Variants in OSBPL1A observed in about 807,000 individuals in gnomAD.
The protein encoded by OSBPL1A is oxysterol-binding protein-related protein 1.
OSBPL1A carries 80 observed loss-of-function variants against 137.1 expected under a neutral mutation model. The ratio of observed to expected loss-of-function variants is 0.58; its 90% CI spans 0.49 to 0.70. The LOEUF (loss-of-function observed/expected upper bound fraction) is 0.70, where lower values mean the gene tolerates loss of function less well. OSBPL1A is among the 30% of genes least tolerant of loss of function. The pLI is 0.00. For missense variants in OSBPL1A, 970 were observed against 1,129.4 expected (o/e 0.86, Z 2.02); for synonymous variants, 365 against 389.7 (o/e 0.94, Z 0.75).
intron 7 of OSBPL1A, among the ~76,000 whole-genome samples, chr18:24,319,597 C>G (rs188732343): frequency 7.5e-4 from 114 of 152,180 alleles, no homozygotes; most frequent in Non-Finnish European, 1.2e-3. Flanking sequence ...TTTTGCCCAA[C>G]AACAACAAAA....
At chr18:24,362,806 A>G (rs1230943988) in intron 4 of OSBPL1A, among the ~76,000 whole-genome samples, 1 of 152,256 alleles carries the variant, frequency 6.6e-6, no homozygotes, top group Admixed American at 6.5e-5. Context: ...AAAGCTGGAC[A>G]AAATTGTCAA....
chr18:24,204,745 T>G (rs1358072011), intron 17 of OSBPL1A, among the ~76,000 whole-genome samples: 1 of 152,166 alleles, frequency 6.6e-6, no homozygotes, highest in Non-Finnish European at 1.5e-5. Context: ...AAACAGGGTC[T>G]GTGCAGTGGC....
At chr18:24,362,706 A>G (rs1385196243) in intron 4 of OSBPL1A, among the ~76,000 whole-genome samples, 2 of 152,246 alleles carry the variant, frequency 1.3e-5, no homozygotes, top group African/African-American at 2.4e-5. Flanking sequence ...TTTGCATATC[A>G]TTTAAATAAT....
At chr18:24,232,562 A>T (rs2088314940) in intron 16 of OSBPL1A, among the ~76,000 whole-genome samples, 1 of 152,190 alleles carries the variant, frequency 6.6e-6, no homozygotes, top group African/African-American at 2.4e-5. Flanking sequence ...GGCTACTGGA[A>T]ATCTTACGTG....
intron 17 of OSBPL1A, among the ~76,000 whole-genome samples, chr18:24,199,078 C>T (rs886829768): frequency 6.6e-6 from 1 of 151,948 alleles, no homozygotes; most frequent in Non-Finnish European, 1.5e-5. Flanking sequence ...AGGCTGGTCT[C>T]GAACTCCTTA....
chr18:24,256,964 CAAAAAAAAA>C (rs201880387), intron 15 of OSBPL1A, among the ~76,000 whole-genome samples: 72 of 29,512 alleles, frequency 2.4e-3, no homozygotes, highest in African/African-American at 6.2e-3. Context: ...GAAGAGGATG[CAAAAAAAAA>C]AAAAAAAAAA....
chr18:24,170,582 G>A (rs1599426681), intron 23 of OSBPL1A, 129 bp from the exon 24 acceptor site: 2 of 966,320 alleles, frequency 2.1e-6, no homozygotes, highest in Non-Finnish European at 3.2e-6. Context: ...GCTTCCAAGA[G>A]CAGATGAGAT....
In OSBPL1A at chr18:24,368,290, C is replaced by T. The variant is rs369405342; in HGVS notation, c.204G>A (p.Leu68=). ...AAAATTAAAGTCATAAATAGACCTT[C>T]AACAGATCCTGGACCACTTGTCTGT... The part of the protein sequence containing the change: ...FGHRQVVQDL[L]KAGAEVNVLN... The change falls in exon 3 of 28, where the codon TTG becomes TTA. Residue 68 remains leucine (L), a synonymous_variant. Transcript: ENST00000319481. 4 of 1,608,434 alleles carry T rather than the reference C, an allele frequency of 2.5e-6. No homozygotes were observed. The highest frequency in any genetic ancestry group is 1.7e-4 in the Middle Eastern group (1 of 6,042).
In OSBPL1A at chr18:24,300,900, CT is replaced by C. The variant is rs779509142; in HGVS notation, c.1174+2736del. On this transcript the variant is annotated intron_variant, in intron 14 of 27. Coordinates refer to ENST00000319481, the MANE Select transcript of OSBPL1A (RefSeq NM_080597.4). ...TCACATGACCTTGACTCACTGCAAC[CT>C]CTGCCTCATGGGCTCAAGCCATCCT... Among the ~76,000 whole-genome samples the C allele has an allele frequency of 2.0e-5, 3 of 152,296 alleles. No individual in the cohort carries two copies. In the East Asian group the frequency reaches 5.8e-4, roughly 29 times the overall value.
rs1389716196 is a variant in OSBPL1A, at chr18:24,225,057, C to T, written c.1586G>A (p.Gly529Asp). The T allele has an allele frequency of 6.2e-7, 1 of 1,614,132 alleles. No individual in the cohort carries two copies. The highest frequency in any genetic ancestry group is 1.3e-5 in the African/African-American group (1 of 75,040). Residue 529 changes from glycine (G) to aspartate (D), a missense_variant, in exon 17 of 28, where the codon GGC becomes GAC. Gly to Asp is a moderately conservative substitution (Grantham distance 94, BLOSUM62 -1). This residue lies in a region of OSBPL1A where 647 missense variants were observed against 672.6 expected (regional missense o/e 0.96). Coordinates refer to ENST00000319481, the MANE Select transcript of OSBPL1A (RefSeq NM_080597.4). ...DCGGGDALSN[G>D]IKKHRTSLPS... ...GCGATCCTACCTGTGTTTCTTGATG[C>T]CATTGGAGAGAGCATCTCCGCCACC...
chr18:24,321,406 C>G (rs1388477546), intron 7 of OSBPL1A, among the ~76,000 whole-genome samples: 2 of 152,200 alleles, frequency 1.3e-5, no homozygotes, highest in African/African-American at 4.8e-5. Context: ...AAGTGATCCT[C>G]TCACCTCAGC....
chr18:24,289,761 G>A (rs1033483371), intron 14 of OSBPL1A, among the ~76,000 whole-genome samples: 3 of 151,998 alleles, frequency 2.0e-5, no homozygotes, highest in Non-Finnish European at 4.4e-5. Flanking sequence ...GGCTGCCCAG[G>A]GCCAAATGCT....
At chr18:24,198,995 C>T (rs1234065112) in intron 17 of OSBPL1A, among the ~76,000 whole-genome samples, 1 of 151,736 alleles carries the variant, frequency 6.6e-6, no homozygotes, top group Non-Finnish European at 1.5e-5. Context: ...GTAGCTGGGA[C>T]TACAGGTACC....
At chr18:24,394,697 T>C (rs748291783) in intron 1 of OSBPL1A, among the ~76,000 whole-genome samples, 16 of 152,312 alleles carry the variant, frequency 1.1e-4, no homozygotes, top group Non-Finnish European at 2.1e-4. Context: ...ATTAAACTCA[T>C]GTATAATAAT....
Position 24,164,524 on chromosome 18 carries a change from G to GT in OSBPL1A, c.2750+540dup, listed in dbSNP as rs2086098950. The stretch of plus-strand genomic sequence containing the variant: ...GCTCACTGCAAGCTCTGCCTCCCGG[G>GT]TTCACGCCATTCTCCTGCCTCAGCC... On this transcript the variant is annotated intron_variant, in intron 27 of 27. Transcript: ENST00000319481. Among the ~76,000 whole-genome samples the GT allele has an allele frequency of 1.3e-5, 2 of 148,252 alleles. 1 individual carries two copies. The highest frequency in any genetic ancestry group is 4.1e-4 in the East Asian group (2 of 4,908).
chr18:24,356,594 A>T (rs932917267), intron 4 of OSBPL1A, among the ~76,000 whole-genome samples: 3 of 152,150 alleles, frequency 2.0e-5, no homozygotes, highest in African/African-American at 7.2e-5. Flanking sequence ...TAGTCCCTGA[A>T]TATGAAATTG....
Position 24,296,571 on chromosome 18 carries a change from T to C in OSBPL1A, c.1174+7066A>G, listed in dbSNP as rs1420193468. Among the ~76,000 whole-genome samples the C allele has an allele frequency of 3.9e-5, 6 of 152,178 alleles. No homozygotes were observed. In the East Asian group the frequency reaches 1.2e-3, roughly 29 times the overall value. On this transcript the variant is annotated intron_variant, in intron 14 of 27. Transcript: ENST00000319481. ...AGGAAGTGGTAAAAGTGGGCATCCT[T>C]TTCTTATTTCAGTTCTTAGAGGGAA...
chr18:24,250,450 A>G (rs2089053365), intron 15 of OSBPL1A, among the ~76,000 whole-genome samples: 2 of 152,220 alleles, frequency 1.3e-5, no homozygotes, highest in African/African-American at 2.4e-5. Flanking sequence ...TCCTGGGATT[A>G]CAGGCGTGAG....
At chr18:24,345,729 AT>A (rs1219966368) in intron 4 of OSBPL1A, among the ~76,000 whole-genome samples, 1 of 151,936 alleles carries the variant, frequency 6.6e-6, no homozygotes, top group Non-Finnish European at 1.5e-5. Context: ...ATATATTTTA[AT>A]TTTTTTTAAA....
Sources: gnomAD v4.1 joint callset for allele counts (sites outside exome capture counted in the v4.1 genomes callset) on GRCh38, gnomAD v4.1.1 for gene constraint, gnomAD v4.1.1 regional missense constraint, MANE v1.5 for transcripts, NCBI Gene and HGNC (gene_info 2026-07-23, HGNC 2026-07-21) for gene names.